Variants in TPST2 observed in about 807,000 individuals in gnomAD.
TPST2 encodes the protein tyrosylprotein sulfotransferase 2.
Under a neutral mutation model 27.8 loss-of-function variants are expected in TPST2, and 16 were observed. The ratio of observed to expected loss-of-function variants is 0.58; its 90% CI spans 0.39 to 0.88. The LOEUF (loss-of-function observed/expected upper bound fraction) is 0.88, where lower values mean the gene tolerates loss of function less well. TPST2 is among the 40% of genes least tolerant of loss of function. The pLI is 0.00. For synonymous variants in TPST2, 229 were observed against 231.7 expected (o/e 0.99, Z 0.10); for missense variants, 464 against 543.1 (o/e 0.85, Z 1.45).
At chr22:26,549,534 G>GT (rs1281664757) in intron 1 of TPST2, among the ~76,000 whole-genome samples, 1 of 151,550 alleles carries the variant, frequency 6.6e-6, no homozygotes, top group African/African-American at 2.4e-5. Context: ...GCGCGTGGCT[G>GT]TAATCCCAGC....
chr22:26,555,420 C>T (rs149611690), intron 1 of TPST2: 1 of 362,174 alleles, frequency 2.8e-6, no homozygotes, highest in Non-Finnish European at 5.5e-6. Context: ...GGTGTGGCCA[C>T]TCACCAGTGG....
At chr22:26,536,065 A>G (rs2147181404) in intron 4 of TPST2, 1 of 700,002 alleles carries the variant, frequency 1.4e-6, no homozygotes, top group East Asian at 2.8e-5. Context: ...GTTAGATGTT[A>G]GAGTATGAGA....
chr22:26,576,287 G>A (rs1455498797), intron 1 of TPST2, among the ~76,000 whole-genome samples: 3 of 143,568 alleles, frequency 2.1e-5, no homozygotes, highest in Non-Finnish European at 4.7e-5. Context: ...CATCAAAGCT[G>A]GACTTTGAAA....
At chr22:26,532,858 T>A in intron 4 of TPST2, 113 bp from the exon 5 acceptor site, 1 of 890,710 alleles carries the variant, frequency 1.1e-6, no homozygotes, top group Non-Finnish European at 1.8e-6. Flanking sequence ...CACCCATCCC[T>A]CCATCCAACA....
intron 6 of TPST2, among the ~76,000 whole-genome samples, chr22:26,526,579 A>G (rs2283815): frequency 1.6e-3 from 236 of 152,134 alleles, no homozygotes; most frequent in Non-Finnish European, 2.1e-3. Context: ...TGTTTGTTCA[A>G]GGCCAACTCT....
At chr22:26,586,249 T>G (rs73163236) in intron 1 of TPST2, among the ~76,000 whole-genome samples, 1 of 151,776 alleles carries the variant, frequency 6.6e-6, no homozygotes, top group Non-Finnish European at 1.5e-5. Context: ...TTTTTAATAT[T>G]TAATTGATTT....
chr22:26,585,315 C>T (rs949633254), intron 1 of TPST2, among the ~76,000 whole-genome samples: 1 of 149,148 alleles, frequency 6.7e-6, no homozygotes, highest in Non-Finnish European at 1.5e-5. Flanking sequence ...TCTCCCTGGG[C>T]CATCAGCCCC....
chr22:26,549,454 C>T (rs1166799382), intron 1 of TPST2, among the ~76,000 whole-genome samples: 1 of 151,952 alleles, frequency 6.6e-6, no homozygotes, highest in East Asian at 1.9e-4. Context: ...GTTAGGAGAT[C>T]GAGACCATCC....
At chr22:26,538,530 T>C (rs575912347) in intron 3 of TPST2, among the ~76,000 whole-genome samples, 35 of 152,310 alleles carry the variant, frequency 2.3e-4, no homozygotes, top group African/African-American at 8.4e-4. Context: ...CTATTCAAAA[T>C]GATGCTGCAG....
At chr22:26,542,952 T>A (rs74767627) in intron 2 of TPST2, among the ~76,000 whole-genome samples, 1 of 152,248 alleles carries the variant, frequency 6.6e-6, no homozygotes, top group African/African-American at 2.4e-5. Flanking sequence ...CTATAGCAAG[T>A]GGAAAATAAA....
At chr22:26,561,695 T>C (rs1927105492) in intron 1 of TPST2, among the ~76,000 whole-genome samples, 1 of 152,114 alleles carries the variant, frequency 6.6e-6, no homozygotes, top group Non-Finnish European at 1.5e-5. Context: ...TCATCATTAT[T>C]ACTATTATTA....
At chr22:26,582,298 G>T (rs145280113) in intron 1 of TPST2, among the ~76,000 whole-genome samples, 59 of 152,266 alleles carry the variant, frequency 3.9e-4, no homozygotes, top group African/African-American at 1.4e-3. Context: ...ATGGTGGCAG[G>T]TGTCTGTAAT....
intron 1 of TPST2, among the ~76,000 whole-genome samples, chr22:26,578,220 G>C (rs961757597): frequency 6.6e-6 from 1 of 152,134 alleles, no homozygotes; most frequent in Admixed American, 6.5e-5. Context: ...TTTTACAGCT[G>C]AGGAAGCCAA....
chr22:26,539,979 C>T (rs1044072855), intron 3 of TPST2, among the ~76,000 whole-genome samples: 2 of 152,122 alleles, frequency 1.3e-5, no homozygotes, highest in African/African-American at 4.8e-5. Flanking sequence ...GGGGCTTAAC[C>T]CAATACTTGC....
chr22:26,564,408 G>A (rs1458976627), intron 1 of TPST2, among the ~76,000 whole-genome samples: 2 of 152,230 alleles, frequency 1.3e-5, no homozygotes, highest in Non-Finnish European at 2.9e-5. Flanking sequence ...GTCCAGTCAT[G>A]CAGGACGGAG....
intron 1 of TPST2, chr22:26,550,663 T>C (rs1230638539): frequency 3.0e-6 from 3 of 985,790 alleles, no homozygotes; most frequent in East Asian, 1.1e-4. Flanking sequence ...TTCCTCCCCA[T>C]GGGAACCAGC....
intron 6 of TPST2, among the ~76,000 whole-genome samples, chr22:26,527,907 T>C (rs1258386973): frequency 1.3e-5 from 2 of 152,160 alleles, no homozygotes; most frequent in East Asian, 3.9e-4. Flanking sequence ...TTCCAGAATC[T>C]CCCCCTCCCC....
intron 1 of TPST2, among the ~76,000 whole-genome samples, chr22:26,556,762 G>A (rs1268702228): frequency 1.3e-5 from 2 of 152,150 alleles, no homozygotes; most frequent in Non-Finnish European, 2.9e-5. Flanking sequence ...GGCTGTTAGG[G>A]CCAGGGAGCC....
At chr22:26,577,269 A>G (rs1227794692) in intron 1 of TPST2, among the ~76,000 whole-genome samples, 4 of 150,936 alleles carry the variant, frequency 2.7e-5, no homozygotes, top group Admixed American at 1.3e-4. Flanking sequence ...TGTCTTTAAA[A>G]AAAAAAAAAA....
Sources: gnomAD v4.1 joint callset for allele counts (sites outside exome capture counted in the v4.1 genomes callset) on GRCh38, gnomAD v4.1.1 for gene constraint, MANE v1.5 for transcripts, NCBI Gene and HGNC (gene_info 2026-07-23, HGNC 2026-07-21) for gene names.